Variants in PDE2A observed in about 807,000 individuals in gnomAD.
PDE2A encodes the protein cGMP-dependent 3',5'-cyclic phosphodiesterase.
Under a neutral mutation model 133.6 loss-of-function variants are expected in PDE2A, and 53 were observed. That is an observed-to-expected ratio of 0.40 (90% CI 0.32 to 0.50). The LOEUF (loss-of-function observed/expected upper bound fraction) is 0.50. Ranked by LOEUF, PDE2A falls within the 20% of genes least tolerant of loss-of-function variation. PDE2A has a pLI of 0.73. For synonymous variants in PDE2A, 491 were observed against 490.2 expected, an observed-to-expected ratio of 1.00 and a Z score of -0.02; for missense variants, 796 against 1,232.4, an observed-to-expected ratio of 0.65 and a Z score of 5.30.
chr11:72,614,133 C>A (rs537324956), intron 2 of PDE2A, among the ~76,000 whole-genome samples: 1 of 152,350 alleles, frequency 6.6e-6, no homozygotes, highest in African/African-American at 2.4e-5. Flanking sequence ...GACAAGAAAG[C>A]AGAACAAGGC....
chr11:72,670,320 G>A (rs941558730), intron 1 of PDE2A, among the ~76,000 whole-genome samples: 1 of 152,210 alleles, frequency 6.6e-6, no homozygotes, highest in East Asian at 1.9e-4. Context: ...GGGGTGTCAT[G>A]TTTGGTAGGG....
intron 1 of PDE2A, among the ~76,000 whole-genome samples, chr11:72,655,686 G>C (rs998248747): frequency 3.3e-5 from 5 of 152,212 alleles, no homozygotes; most frequent in Non-Finnish European, 7.3e-5. Flanking sequence ...TATCTCTACA[G>C]TGGAGTGATG....
At chr11:72,628,750 T>C (rs1359794569) in intron 2 of PDE2A, among the ~76,000 whole-genome samples, 2 of 152,252 alleles carry the variant, frequency 1.3e-5, no homozygotes, top group Non-Finnish European at 2.9e-5. Flanking sequence ...CGTGCTCATC[T>C]GACCCTGTGG....
At chr11:72,630,673 G>A (rs1177910964) in intron 2 of PDE2A, among the ~76,000 whole-genome samples, 1 of 151,994 alleles carries the variant, frequency 6.6e-6, no homozygotes, top group Non-Finnish European at 1.5e-5. Flanking sequence ...CGTGGATGAT[G>A]GGGGAAACTG....
In PDE2A at chr11:72,588,924, C is replaced by T. The variant is rs747110890; in HGVS notation, c.940-10G>A. 13 of 1,595,058 alleles carry T rather than the reference C, an allele frequency of 8.2e-6. No individual in the cohort carries two copies. The highest frequency in any genetic ancestry group is 4.0e-5 in the African/African-American group (3 of 74,570). On this transcript the variant is annotated splice_polypyrimidine_tract_variant and intron_variant, in intron 12 of 30. Coordinates refer to ENST00000334456, the MANE Select transcript of PDE2A (RefSeq NM_002599.5). ...GCTGTTGTACATCCTCCTGCAAAGG[C>T]GAGGCAAGTCAGGGCAGGGAAGCAG...
intron 1 of PDE2A, among the ~76,000 whole-genome samples, chr11:72,667,937 T>C (rs1049769831): frequency 2.7e-5 from 4 of 149,622 alleles, no homozygotes; most frequent in African/African-American, 7.4e-5. Context: ...AGAAGAAGCA[T>C]GGAGGAGGGA....
chr11:72,663,394 C>A (rs565964624), intron 1 of PDE2A, among the ~76,000 whole-genome samples: 1 of 152,182 alleles, frequency 6.6e-6, no homozygotes, highest in Non-Finnish European at 1.5e-5. Context: ...GTAGATAATG[C>A]GCATATGAGT....
chr11:72,609,270 T>C (rs1018622337), intron 2 of PDE2A, among the ~76,000 whole-genome samples: 8 of 152,184 alleles, frequency 5.3e-5, no homozygotes, highest in Non-Finnish European at 7.4e-5. Flanking sequence ...AATTGAGCCC[T>C]TAAAAATGAA....
chr11:72,621,753 A>G (rs1309026733), intron 2 of PDE2A: 1 of 152,228 alleles, frequency 6.6e-6, no homozygotes, highest in Non-Finnish European at 1.5e-5. Flanking sequence ...CCTAGCCTTA[A>G]AAAACAAAAA....
rs939254649 is a variant in PDE2A at position 72,576,346 on chromosome 11, G to T, written c.*1038C>A. The T allele has an allele frequency of 6.6e-6, 1 of 152,058 alleles. No homozygotes were observed. The highest frequency in any genetic ancestry group is 2.4e-5 in the African/African-American group (1 of 41,360). The allele number at this position is 152,058 out of a possible 1,614,324, so 9.4% of individuals were successfully genotyped here. On this transcript the variant is annotated 3_prime_UTR_variant, in exon 31 of 31. Transcript: ENST00000334456. ...AGCCAGTGGCCGGGCTGACCCAAGAGTCCCGGCCCTATGGGGTCTCCCAAG... is the reference window on the plus strand; with the variant it reads ...AGCCAGTGGCCGGGCTGACCCAAGATTCCCGGCCCTATGGGGTCTCCCAAG...
rs568628376 is a variant in PDE2A, at chr11:72,651,435, G to T, written c.72-9109C>A. On this transcript the variant is annotated intron_variant, in intron 1 of 30. Coordinates refer to ENST00000334456, the MANE Select transcript of PDE2A (RefSeq NM_002599.5). Reference sequence around the variant, plus strand: ...AAGGAAATGAACACCCACTCCCAAGGGGTGTCAAGGGAGTGATGGGTGTCC... The same window carrying T: ...AAGGAAATGAACACCCACTCCCAAGTGGTGTCAAGGGAGTGATGGGTGTCC... 3.3e-5 allele frequency among the ~76,000 whole-genome samples: 5 copies of T among 152,218 alleles called. No individual in the cohort carries two copies. In the East Asian group the frequency reaches 9.7e-4, roughly 29 times the overall value.
intron 1 of PDE2A, among the ~76,000 whole-genome samples, chr11:72,664,608 C>T (rs1038995483): frequency 6.6e-6 from 1 of 151,520 alleles, no homozygotes; most frequent in Non-Finnish European, 1.5e-5. Context: ...CTCCTGACCT[C>T]GTGATCCGCC....
chr11:72,620,317 C>T (rs1425066685), intron 2 of PDE2A, among the ~76,000 whole-genome samples: 4 of 152,124 alleles, frequency 2.6e-5, no homozygotes, highest in Non-Finnish European at 5.9e-5. Context: ...GCTCCCTCCC[C>T]AAGGCCCAGG....
chr11:72,636,911 G>A (rs778830957), intron 2 of PDE2A, among the ~76,000 whole-genome samples: 1 of 152,122 alleles, frequency 6.6e-6, no homozygotes. Flanking sequence ...GAATAAGTCC[G>A]CAGTCCTTAA....
intron 1 of PDE2A, among the ~76,000 whole-genome samples, chr11:72,667,371 C>G (rs887086847): frequency 1.3e-5 from 2 of 152,132 alleles, no homozygotes; most frequent in Non-Finnish European, 2.9e-5. Context: ...CTTAGCCTGT[C>G]CCAGAACCAT....
chr11:72,614,443 G>A (rs1281196831), intron 2 of PDE2A, among the ~76,000 whole-genome samples: 1 of 152,152 alleles, frequency 6.6e-6, no homozygotes, highest in African/African-American at 2.4e-5. Context: ...CTTTGGGGAG[G>A]GGAAGGTACC....
At chr11:72,656,010 GC>G in intron 1 of PDE2A, among the ~76,000 whole-genome samples, 1 of 152,328 alleles carries the variant, frequency 6.6e-6, no homozygotes, top group South Asian at 2.1e-4. Flanking sequence ...GGATGGCTTG[GC>G]GGCCACCAGG....
At chr11:72,654,538 T>A (rs409816) in intron 1 of PDE2A, among the ~76,000 whole-genome samples, 110,992 of 151,748 alleles carry the variant, frequency 0.73, 41,983 homozygotes, top group Middle Eastern at 0.88. Flanking sequence ...TGGCCTGGGG[T>A]GGGTCCCCAG....
At chr11:72,627,223 G>A (rs536690678) in intron 2 of PDE2A, among the ~76,000 whole-genome samples, 6 of 152,340 alleles carry the variant, frequency 3.9e-5, no homozygotes, top group Non-Finnish European at 5.9e-5. Flanking sequence ...GGGCCCAAGA[G>A]AGACAAAGGA....
Sources: allele counts gnomAD v4.1 joint callset (sites outside exome capture counted in the v4.1 genomes callset), GRCh38; gene constraint gnomAD v4.1.1; transcripts MANE v1.5; gene names NCBI Gene and HGNC (gene_info 2026-07-23, HGNC 2026-07-21).